ANKRD30A: variants seen among roughly 807,000 people sequenced by gnomAD.
ANKRD30A encodes ankyrin repeat domain-containing protein 30A.
Under a neutral mutation model 166.3 loss-of-function variants are expected in ANKRD30A, and 170 were observed. The ratio of observed to expected loss-of-function variants is 1.02; its 90% CI spans 0.90 to 1.16. The LOEUF (loss-of-function observed/expected upper bound fraction) is 1.16, where lower values mean the gene tolerates loss of function less well. Among genes scored for constraint, ANKRD30A ranks in the 50% most tolerant of loss-of-function variants. ANKRD30A has a pLI of 0.00. For synonymous variants in ANKRD30A, 564 were observed against 508.9 expected, an observed-to-expected ratio of 1.11 and a Z score of -1.46; for missense variants, 1,630 against 1,518.0, an observed-to-expected ratio of 1.07 and a Z score of -1.23.
At position 37,197,547 on chromosome 10, in the gene ANKRD30A, A is replaced by G. The variant is rs555717510; in HGVS notation, c.2716+67A>G. The G allele has an allele frequency of 4.0e-3, 6,414 of 1,606,784 alleles. 19 individuals are homozygous for G. Among genetic ancestry groups the G allele is most frequent in the Non-Finnish European group, 4.9e-3 (5,724 of 1,175,972 alleles). ...TATTGAACATTTTGATGGTCTTTCT[A>G]TCCCCAATGCTTTATTTTTTTCAAC... is the stretch of plus-strand genomic sequence containing the variant. On this transcript the variant is annotated intron_variant, in intron 29 of 35. Coordinates refer to ENST00000361713, the MANE Select transcript of ANKRD30A (RefSeq NM_052997.3).
At chr10:37,155,365 A>G (rs1323201770) in intron 13 of ANKRD30A, among the ~76,000 whole-genome samples, 4 of 152,222 alleles carry the variant, frequency 2.6e-5, no homozygotes, top group Non-Finnish European at 4.4e-5. Flanking sequence ...ATAAAAATCA[A>G]TGAATATTTA....
In ANKRD30A at chr10:37,162,610, T is replaced by C. The variant is rs988949354; in HGVS notation, c.1901-39T>C. 3 of 1,610,990 alleles carry C rather than the reference T, an allele frequency of 1.9e-6. No homozygotes were observed. In the African/African-American group the frequency reaches 4.0e-5, roughly 22 times the overall value. On this transcript the variant is annotated intron_variant, in intron 15 of 35. Coordinates refer to ENST00000361713, the MANE Select transcript of ANKRD30A (RefSeq NM_052997.3). ...ATTCATTTGTGGTTGGCTTGTCATA[T>C]TTACATATGATTGATGATAAATCTC...
At chr10:37,162,228 C>A (rs560886432) in intron 15 of ANKRD30A, among the ~76,000 whole-genome samples, 1 of 152,258 alleles carries the variant, frequency 6.6e-6, no homozygotes, top group Non-Finnish European at 1.5e-5. Flanking sequence ...GACAAGATGT[C>A]AGTTCTACAT....
At chr10:37,224,983 AAT>A (rs1436248313) in intron 34 of ANKRD30A, among the ~76,000 whole-genome samples, 3 of 151,672 alleles carry the variant, frequency 2.0e-5, no homozygotes, top group East Asian at 3.9e-4. Flanking sequence ...TTCATATATA[AAT>A]ATGCTTTTCC....
chr10:37,197,264 T>A lies in ANKRD30A; in HGVS notation c.2615-17T>A. ...ATATTTACTTATGATTGATGATAAA[T>A]CTCTTTTGCTTTTTAGAGCCTCCCG... On this transcript the variant is annotated splice_polypyrimidine_tract_variant and intron_variant, in intron 27 of 35. Transcript: ENST00000361713. The A allele has an allele frequency of 1.9e-6, 3 of 1,610,754 alleles. No homozygotes were observed. Among genetic ancestry groups the A allele is most frequent in the Non-Finnish European group, 2.5e-6 (3 of 1,177,764 alleles).
intron 18 of ANKRD30A, among the ~76,000 whole-genome samples, chr10:37,165,666 A>T (rs1839266652): frequency 6.6e-6 from 1 of 152,094 alleles, no homozygotes; most frequent in East Asian, 1.9e-4. Context: ...GAAAAGCATG[A>T]GGAATAGGAA....
At chr10:37,250,773 T>A in the ANKRD30A span, among the ~76,000 whole-genome samples, 1 of 152,306 alleles carries the variant, frequency 6.6e-6, no homozygotes, top group South Asian at 2.1e-4. Context: ...AATCTGCCAG[T>A]TCCTTCATCT....
intron 31 of ANKRD30A, among the ~76,000 whole-genome samples, chr10:37,209,836 A>G (rs1842189289): frequency 6.6e-6 from 1 of 151,876 alleles, no homozygotes; most frequent in South Asian, 2.1e-4. Context: ...ATTTTTTTTG[A>G]CACTGACTAG....
chr10:37,149,916 A>G (rs1837793146), intron 11 of ANKRD30A, 67 bp downstream of exon 11: 1 of 1,592,962 alleles, frequency 6.3e-7, no homozygotes, highest in Non-Finnish European at 8.6e-7. Context: ...TGGTCTTTCT[A>G]TCCCCAATGC....
chr10:37,191,009 A>G (rs1840518789), intron 25 of ANKRD30A, among the ~76,000 whole-genome samples: 1 of 151,900 alleles, frequency 6.6e-6, no homozygotes, highest in African/African-American at 2.4e-5. Context: ...TAAAAACCAT[A>G]AAACTCTGAA....
intron 12 of ANKRD30A, 140 bp downstream of exon 12, chr10:37,152,261 T>C (rs1237547047): frequency 5.6e-6 from 4 of 713,484 alleles, no homozygotes; most frequent in East Asian, 3.1e-5. Context: ...ATATGCTTAA[T>C]GGAGAATCTA....
chr10:37,159,989 G>C (rs1374910334), intron 15 of ANKRD30A, among the ~76,000 whole-genome samples: 9 of 152,236 alleles, frequency 5.9e-5, no homozygotes, highest in Middle Eastern at 3.4e-3. Context: ...GTGAGGCACC[G>C]TGCCCGGCCG....
the ANKRD30A span, among the ~76,000 whole-genome samples, chr10:37,245,890 G>T: frequency 6.6e-6 from 1 of 152,182 alleles, no homozygotes; most frequent in Non-Finnish European, 1.5e-5. Flanking sequence ...GTTGCCTACA[G>T]TTCCTAGAGG....
At chr10:37,199,670 TA>T in intron 29 of ANKRD30A, 56 bp from the exon 30 acceptor site, 1 of 1,168,796 alleles carries the variant, frequency 8.6e-7, no homozygotes, top group Non-Finnish European at 1.3e-6. Context: ...TATATGTTTT[TA>T]AAATGTATAG....
chr10:37,198,449 C>G (rs1283801096), intron 29 of ANKRD30A, among the ~76,000 whole-genome samples: 1 of 151,988 alleles, frequency 6.6e-6, no homozygotes, highest in Non-Finnish European at 1.5e-5. Context: ...AAAATGAAAA[C>G]ATGCAGATTT....
chr10:37,195,231 G>A (rs183293578), intron 27 of ANKRD30A, among the ~76,000 whole-genome samples: 7 of 152,122 alleles, frequency 4.6e-5, no homozygotes, highest in South Asian at 2.1e-4. Flanking sequence ...GAAGTTGCAC[G>A]TCTGAGTCTT....
intron 1 of ANKRD30A, among the ~76,000 whole-genome samples, chr10:37,128,685 A>G (rs1411925585): frequency 1.3e-5 from 2 of 152,044 alleles, no homozygotes; most frequent in African/African-American, 2.4e-5. Flanking sequence ...TGTGTAAAAG[A>G]TACATTCTAT....
At position 37,142,061 on chromosome 10, in the gene ANKRD30A, A is replaced by G. The variant is rs1588770663; in HGVS notation, c.1164A>G (p.Lys388=). The G allele has an allele frequency of 6.2e-7, 1 of 1,609,670 alleles. No homozygotes were observed. Among genetic ancestry groups the G allele is most frequent in the East Asian group, 2.2e-5 (1 of 44,766 alleles). ...GRPRKIAWEK[K]EDTPREIMSP... is the part of the protein sequence containing the mutation. Reference sequence around the variant, plus strand: ...CTAGGAAGATCGCATGGGAGAAAAAAGAAGACACACCTAGGGAAATTATGA... The same window carrying G: ...CTAGGAAGATCGCATGGGAGAAAAAGGAAGACACACCTAGGGAAATTATGA... The change falls in exon 7 of 36, where the codon AAA becomes AAG. Residue 388 remains lysine, a synonymous_variant. Transcript: ENST00000361713.
At position 37,219,670 on chromosome 10, in the gene ANKRD30A, G is replaced by T; in HGVS notation, c.3958G>T (p.Asp1320Tyr). 6.2e-7 allele frequency: 1 copy of T among 1,609,552 alleles called. No individual in the cohort carries two copies. The highest frequency in any genetic ancestry group is 8.5e-7 in the Non-Finnish European group (1 of 1,177,240). The change falls in exon 34 of 36, where the codon GAT becomes TAT. Residue 1320 changes from aspartate to tyrosine, a missense_variant. This residue lies in a region of ANKRD30A where 712 missense variants were observed against 629.3 expected (regional missense o/e 1.13). Transcript: ENST00000361713. ...NKHTEQQESLDQKLFQLQSKN... is the reference protein window; with the variant it reads ...NKHTEQQESLYQKLFQLQSKN... ...ACACACTGAACAGCAGGAGTCTCTAGATCAGAAATTATTTCAACTACAAAG... is the reference window on the plus strand; with the variant it reads ...ACACACTGAACAGCAGGAGTCTCTATATCAGAAATTATTTCAACTACAAAG...
Sources: allele counts gnomAD v4.1 joint callset (sites outside exome capture counted in the v4.1 genomes callset), GRCh38; gene constraint gnomAD v4.1.1; regional missense constraint gnomAD v4.1.1; transcripts MANE v1.5; gene names NCBI Gene and HGNC (gene_info 2026-07-23, HGNC 2026-07-21).